CSMD3: variants seen among roughly 807,000 people sequenced by gnomAD.
CSMD3 encodes CUB and sushi domain-containing protein 3.
A neutral mutation model predicts 435.2 loss-of-function variants in CSMD3; 177 were observed. That is an observed-to-expected ratio of 0.41 (90% CI 0.36 to 0.46). The LOEUF (loss-of-function observed/expected upper bound fraction) is 0.46, where lower values mean the gene tolerates loss of function less well. Among genes scored for constraint, CSMD3 ranks in the 20% least tolerant of loss-of-function variants. The probability of loss-of-function intolerance (pLI) is 0.34; values close to 1 mark genes in which losing one functional copy is unlikely to be tolerated. For missense variants in CSMD3, 4,265 were observed against 4,504.6 expected, an observed-to-expected ratio of 0.95 and a Z score of 1.52; for synonymous variants, 1,656 against 1,520.5, an observed-to-expected ratio of 1.09 and a Z score of -2.07.
Position 112,251,704 on chromosome 8 carries a change from C to T in CSMD3, c.10110+2549G>A, listed in dbSNP as rs184946022. 5.5e-4 allele frequency among the ~76,000 whole-genome samples: 83 copies of T among 151,568 alleles called. 2 individuals carry two copies. The highest frequency in any genetic ancestry group is 3.4e-3 in the Middle Eastern group (1 of 294). Reference sequence around the variant, plus strand: ...TCTTGAGGCTAAATATCTAAAGAGCCGGATTAAAAACTTTTCATATTTATA... The same window carrying T: ...TCTTGAGGCTAAATATCTAAAGAGCTGGATTAAAAACTTTTCATATTTATA... On this transcript the variant is annotated intron_variant, in intron 63 of 70. Transcript: ENST00000297405.
rs142046859 is a variant in CSMD3, at chr8:112,349,208, C to A, written c.6325+1967G>T. On this transcript the variant is annotated intron_variant, in intron 40 of 70. Transcript: ENST00000297405. ...CAAAAGATGAGAAATAAACTTTTAA[C>A]GAAAAAGAAGTAATTGCACAAATTA... Among the ~76,000 whole-genome samples the A allele has an allele frequency of 2.6e-5, 4 of 151,738 alleles. No homozygotes were observed. In the East Asian group the frequency reaches 7.8e-4, roughly 29 times the overall value.
rs188738584 is a variant in CSMD3 at position 112,228,987 on chromosome 8, T to A, written c.10829-96A>T. The stretch of plus-strand genomic sequence containing the variant: ...ATTAATTTCTTCTATTCTCAAGATA[T>A]CTACCTGGAAATCACATAGTAAACA... On this transcript the variant is annotated intron_variant, in intron 69 of 70. Coordinates refer to ENST00000297405, the MANE Select transcript of CSMD3 (RefSeq NM_198123.2). 7.1e-5 allele frequency: 52 copies of A among 733,514 alleles called. No individual in the cohort carries two copies. In the African/African-American group the frequency reaches 8.8e-4, roughly 12 times the overall value. The allele number at this position is 733,514 out of a possible 1,614,324, so 45.4% of individuals were successfully genotyped here.
intron 53 of CSMD3, among the ~76,000 whole-genome samples, chr8:112,298,636 A>C (rs1820576511): frequency 1.3e-5 from 2 of 152,174 alleles, no homozygotes; most frequent in South Asian, 4.1e-4. Flanking sequence ...AATTCATAAC[A>C]AAAAGGCAAG....
intron 3 of CSMD3, among the ~76,000 whole-genome samples, chr8:113,222,451 C>G (rs1343000621): frequency 6.6e-6 from 1 of 150,740 alleles, no homozygotes; most frequent in Non-Finnish European, 1.5e-5. Flanking sequence ...TTCAAGAAAC[C>G]AAGTTCTGCT....
Position 112,556,763 on chromosome 8 carries a change from C to A in CSMD3, c.4234G>T (p.Ala1412Ser). The stretch of plus-strand genomic sequence containing the variant: ...ATGAAAATCTATGACAGTATCCTAC[C>A]AATACAGGAAGGCAGAGGATAGTCC... ...AWDYPLPSCIAECGGRFKGES... is the reference protein window; with the variant it reads ...AWDYPLPSCISECGGRFKGES... Residue 1412 changes from alanine to serine, a missense_variant and splice_region_variant, in exon 25 of 71, where the codon GCT becomes TCT. This residue lies in a region of CSMD3 where 3,255 missense variants were observed against 3,380.2 expected (regional missense o/e 0.96). Coordinates refer to ENST00000297405, the MANE Select transcript of CSMD3 (RefSeq NM_198123.2). 6.2e-7 allele frequency: 1 copy of A among 1,603,906 alleles called. No homozygotes were observed. The highest frequency in any genetic ancestry group is 8.5e-7 in the Non-Finnish European group (1 of 1,171,260).
In CSMD3 at chr8:112,423,491, T is replaced by C. The variant is rs531725767; in HGVS notation, c.5396-14459A>G. On this transcript the variant is annotated intron_variant, in intron 32 of 70. Coordinates refer to ENST00000297405, the MANE Select transcript of CSMD3 (RefSeq NM_198123.2). ...TAGATATCATAAACATTGATATATT[T>C]CAGGCTAGAGTGCAGTGGTGTGATC... Among the ~76,000 whole-genome samples the C allele has an allele frequency of 3.9e-5, 6 of 152,272 alleles. No individual in the cohort carries two copies. In the East Asian group the frequency reaches 1.2e-3, roughly 29 times the overall value.
At chr8:112,602,666 C>T (rs191464180) in intron 22 of CSMD3, among the ~76,000 whole-genome samples, 135 of 151,242 alleles carry the variant, frequency 8.9e-4, no homozygotes, top group African/African-American at 2.9e-3. Context: ...ACAGCATCAC[C>T]GATAACATAG....
intron 17 of CSMD3, among the ~76,000 whole-genome samples, chr8:112,663,630 G>GA (rs2075444122): frequency 6.6e-6 from 1 of 150,944 alleles, no homozygotes; most frequent in South Asian, 2.1e-4. Context: ...AAAACTTAAA[G>GA]TATAATAAAA....
At chr8:112,832,050 G>A (rs1402713514) in intron 11 of CSMD3, among the ~76,000 whole-genome samples, 2 of 151,998 alleles carry the variant, frequency 1.3e-5, no homozygotes, top group Non-Finnish European at 2.9e-5. Context: ...TTTTACCAGA[G>A]TAGGACTTAC....
chr8:112,332,344 C>T (rs1251487333), intron 45 of CSMD3, among the ~76,000 whole-genome samples: 1 of 151,962 alleles, frequency 6.6e-6, no homozygotes, highest in Admixed American at 6.6e-5. Context: ...ACTTAAATAA[C>T]TGAAGATGAG....
At chr8:112,328,862 T>A (rs192125423) in intron 45 of CSMD3, among the ~76,000 whole-genome samples, 1 of 152,256 alleles carries the variant, frequency 6.6e-6, no homozygotes, top group Non-Finnish European at 1.5e-5. Flanking sequence ...GCCTTCCCAG[T>A]CATATGGAAC....
chr8:112,776,463 C>G (rs1302685112), intron 13 of CSMD3, among the ~76,000 whole-genome samples: 1 of 151,674 alleles, frequency 6.6e-6, no homozygotes, highest in Non-Finnish European at 1.5e-5. Flanking sequence ...ATATAATTTA[C>G]TTTCTTTCAT....
intron 24 of CSMD3, among the ~76,000 whole-genome samples, chr8:112,571,812 T>TAAGC (rs1450962679): frequency 6.8e-6 from 1 of 147,292 alleles, no homozygotes. Context: ...GAGGTTGCAG[T>TAAGC]AAGCAAAGAT....
chr8:113,194,245 T>C (rs1196774129), intron 3 of CSMD3, among the ~76,000 whole-genome samples: 1 of 151,238 alleles, frequency 6.6e-6, no homozygotes, highest in Non-Finnish European at 1.5e-5. Flanking sequence ...CATAGTGAAA[T>C]ATACAAGATG....
chr8:113,290,440 T>C (rs2093678451), intron 2 of CSMD3, among the ~76,000 whole-genome samples: 1 of 151,696 alleles, frequency 6.6e-6, no homozygotes. Flanking sequence ...ACTGAGAATA[T>C]AACAATTACT....
At chr8:112,304,985 T>C in intron 51 of CSMD3, 70 bp from the exon 52 acceptor site, 1 of 1,122,786 alleles carries the variant, frequency 8.9e-7, no homozygotes, top group Non-Finnish European at 1.3e-6. Flanking sequence ...ATTCTTTACA[T>C]CTCCACTGAC....
rs564096589 is a variant in CSMD3, at chr8:112,557,094, G to A, written c.4043-140C>T. The A allele has an allele frequency of 8.2e-5, 51 of 624,186 alleles. No homozygotes were observed. In the East Asian group the frequency reaches 9.1e-4, roughly 11 times the overall value. 38.7% of individuals were successfully genotyped at this position (624,186 alleles called of 1,614,324 possible). On this transcript the variant is annotated intron_variant, in intron 24 of 70. Coordinates refer to ENST00000297405, the MANE Select transcript of CSMD3 (RefSeq NM_198123.2). Reference sequence around the variant, plus strand: ...ATTGCCCTTACCATATTTAATTTTCGTATCATACAACAACCATGCAGACCT... The same window carrying A: ...ATTGCCCTTACCATATTTAATTTTCATATCATACAACAACCATGCAGACCT...
chr8:112,812,585 C>T (rs1042226167), intron 12 of CSMD3, among the ~76,000 whole-genome samples: 5 of 152,152 alleles, frequency 3.3e-5, no homozygotes, highest in African/African-American at 1.2e-4. Context: ...AAATTTGCCT[C>T]GGTCTCTCAC....
At chr8:112,797,956 C>G (rs1456422743) in intron 13 of CSMD3, among the ~76,000 whole-genome samples, 1 of 151,648 alleles carries the variant, frequency 6.6e-6, no homozygotes, top group Non-Finnish European at 1.5e-5. Flanking sequence ...TTTAATTGAA[C>G]AAATAATTAT....
Sources: gnomAD v4.1 joint callset for allele counts (sites outside exome capture counted in the v4.1 genomes callset) on GRCh38, gnomAD v4.1.1 for gene constraint, gnomAD v4.1.1 regional missense constraint, MANE v1.5 for transcripts, NCBI Gene and HGNC (gene_info 2026-07-23, HGNC 2026-07-21) for gene names.